Variants in PROX1 observed in about 807,000 individuals in gnomAD.
PROX1 encodes prospero homeobox protein 1.
PROX1 carries 7 observed loss-of-function variants against 58.8 expected under a neutral mutation model. The observed-to-expected ratio is 0.12, with a 90% CI of 0.07 to 0.22. The LOEUF is 0.22. Among genes scored for constraint, PROX1 ranks in the 10% least tolerant of loss-of-function variants. PROX1 has a pLI of 1.00. For synonymous variants in PROX1, 350 were observed against 358.3 expected (o/e 0.98, Z 0.26); for missense variants, 675 against 927.8 (o/e 0.73, Z 3.54).
In PROX1 at chr1:213,997,548, C is replaced by T. The variant is rs770307519; in HGVS notation, c.1013C>T (p.Pro338Leu). The change falls in exon 2 of 5, where the codon CCA becomes CTA. Residue 338 changes from proline (P) to leucine (L), a missense_variant. By Grantham distance (98) the Pro-to-Leu change is moderately conservative. Transcript: ENST00000366958. This position sits in a 1 kb window ranked among gnomAD's most constrained non-coding sequence, Gnocchi z 7.1. ...EGNNKERDHG[P>L]NSLQPEGKHL... Reference sequence around the variant, plus strand: ...AACAACAAAGAAAGAGACCATGGGCCAAACTCCTTACAACCGGAAGGCAAA... The same window carrying T: ...AACAACAAAGAAAGAGACCATGGGCTAAACTCCTTACAACCGGAAGGCAAA... 2.5e-5 allele frequency: 41 copies of T among 1,613,926 alleles called. No individual in the cohort carries two copies. Among genetic ancestry groups the T allele is most frequent in the Non-Finnish European group, 3.2e-5 (38 of 1,179,980 alleles).
At position 213,996,938 on chromosome 1, in the gene PROX1, G is replaced by C; in HGVS notation, c.403G>C (p.Asp135His). Residue 135 changes from aspartate (D) to histidine (H), a missense_variant, in exon 2 of 5, where the codon GAC becomes CAC. This residue lies in a region of PROX1 where 157 missense variants were observed against 197.8 expected (regional missense o/e 0.79). Coordinates refer to ENST00000366958, the MANE Select transcript of PROX1 (RefSeq NM_001270616.2). ...QEDICSNSSR[D>H]SPPECLSPFG... is the part of the protein sequence containing the mutation. ...GGATATATGCAGCAACTCTTCAAGA[G>C]ACAGCCCCCCAGAGTGTCTTTCCCC... The C allele has an allele frequency of 6.2e-7, 1 of 1,614,090 alleles. No homozygotes were observed. The highest frequency in any genetic ancestry group is 8.5e-7 in the Non-Finnish European group (1 of 1,180,018).
chr1:213,998,008 T>C lies in PROX1; in HGVS notation c.1473T>C (p.Tyr491=). The C allele has an allele frequency of 6.2e-7, 1 of 1,613,210 alleles. No individual in the cohort carries two copies. The highest frequency in any genetic ancestry group is 1.7e-5 in the Admixed American group (1 of 59,968). ...CCTTCCCCCTTCCCTTGATGGCCTA[T>C]CCATTTCAGAGCCCATTAGGTGCTC... ...RHPFPLPLMA[Y]PFQSPLGAPS... The change falls in exon 2 of 5, where the codon TAT becomes TAC. Residue 491 remains tyrosine, a synonymous_variant. Coordinates refer to ENST00000366958, the MANE Select transcript of PROX1 (RefSeq NM_001270616.2).
Position 213,997,298 on chromosome 1 carries a change from G to T in PROX1, c.763G>T (p.Glu255Ter). The change falls in exon 2 of 5, where the codon GAA becomes TAA. Residue 255 changes from glutamate to a stop codon, truncating the protein, a stop_gained. Coordinates refer to ENST00000366958, the MANE Select transcript of PROX1 (RefSeq NM_001270616.2). LOFTEE classifies it high-confidence loss of function. This position sits in a 1 kb window ranked among gnomAD's most constrained non-coding sequence, Gnocchi z 7.1. Reference sequence around the variant, plus strand: ...GCAGAAACAGCTGCGCCAGCTGCAGGAAAAGTTCTACCAAATCTATGACAG... The same window carrying T: ...GCAGAAACAGCTGCGCCAGCTGCAGTAAAAGTTCTACCAAATCTATGACAG... Reference protein sequence around the residue: ...DMQKQLRQLQEKFYQIYDSTD... With the variant: ...DMQKQLRQLQ 6.2e-7 allele frequency: 1 copy of T among 1,614,080 alleles called. No individual in the cohort carries two copies. Among genetic ancestry groups the T allele is most frequent in the Non-Finnish European group, 8.5e-7 (1 of 1,180,030 alleles).
intron 4 of PROX1, among the ~76,000 whole-genome samples, chr1:214,023,526 T>C (rs1230714548): frequency 2.0e-5 from 3 of 152,112 alleles, no homozygotes; most frequent in East Asian, 1.9e-4. Flanking sequence ...CCAGCCAGAA[T>C]TGGCAGTTTT....
intron 1 of PROX1, among the ~76,000 whole-genome samples, chr1:213,991,620 A>T (rs187973542): frequency 5.3e-5 from 8 of 152,240 alleles, no homozygotes; most frequent in Non-Finnish European, 4.4e-5. Flanking sequence ...AAAAAAAGTC[A>T]TGCATACATA....
chr1:213,989,159 G>C (rs1357755138), intron 1 of PROX1, among the ~76,000 whole-genome samples: 4 of 151,664 alleles, frequency 2.6e-5, no homozygotes, highest in Non-Finnish European at 2.9e-5. Context: ...AGAGGGAGGT[G>C]GGGGGGCGCT....
At chr1:214,034,485 G>C in intron 4 of PROX1, among the ~76,000 whole-genome samples, 1 of 152,160 alleles carries the variant, frequency 6.6e-6, no homozygotes, top group Non-Finnish European at 1.5e-5. Flanking sequence ...CCCACTAAAA[G>C]AAATCTACTA....
intron 2 of PROX1, among the ~76,000 whole-genome samples, chr1:214,002,120 T>C (rs1169166442): frequency 1.3e-5 from 2 of 152,202 alleles, no homozygotes; most frequent in East Asian, 3.8e-4. Context: ...GCACGTACAA[T>C]CTCTAGCTAC....
At chr1:214,019,015 G>A (rs1299804329) in intron 4 of PROX1, among the ~76,000 whole-genome samples, 3 of 152,120 alleles carry the variant, frequency 2.0e-5, no homozygotes, top group African/African-American at 7.2e-5. Context: ...CTGAGCTATT[G>A]TTCTTTCAGC....
At chr1:214,000,339 G>A (rs1663455199) in intron 2 of PROX1, among the ~76,000 whole-genome samples, 1 of 152,148 alleles carries the variant, frequency 6.6e-6, no homozygotes, top group African/African-American at 2.4e-5. Flanking sequence ...AATCCCCGGA[G>A]GAATTTTGAG....
rs574026104 is a variant in PROX1 at position 214,033,140 on chromosome 1, G to A, written c.2029-2509G>A. Among the ~76,000 whole-genome samples, 11 of 152,186 alleles carry A rather than the reference G, an allele frequency of 7.2e-5. No individual in the cohort carries two copies. The East Asian group carries it at 1.5e-3, about 21-fold the overall frequency. On this transcript the variant is annotated intron_variant, in intron 4 of 4. Coordinates refer to ENST00000366958, the MANE Select transcript of PROX1 (RefSeq NM_001270616.2). ...AGTTCTTGGTGTGGGCAGGGCTTCCGGCCTTCTCTGGCTTCTCTGGGGCAG... is the reference window on the plus strand; with the variant it reads ...AGTTCTTGGTGTGGGCAGGGCTTCCAGCCTTCTCTGGCTTCTCTGGGGCAG...
In PROX1 at chr1:214,040,421, A is replaced by T. The variant is rs1164583467; in HGVS notation, c.*4587A>T. On this transcript the variant is annotated 3_prime_UTR_variant, in exon 5 of 5. Coordinates refer to ENST00000366958, the MANE Select transcript of PROX1 (RefSeq NM_001270616.2). ...AAACAAGCTTACCTTCTTTTGTGAA[A>T]ACGTATTCATTCTGTATTTTTTTAA... 6.6e-6 allele frequency: 1 copy of T among 151,922 alleles called. No homozygotes were observed. Among genetic ancestry groups the T allele is most frequent in the Non-Finnish European group, 1.5e-5 (1 of 68,006 alleles). 9.4% of individuals were successfully genotyped at this position (151,922 alleles called of 1,614,324 possible). A position where few individuals can be genotyped will look rare whatever the true frequency, so the allele number is the denominator to read the frequency against.
chr1:214,016,953 A>G (rs551809570), intron 4 of PROX1, among the ~76,000 whole-genome samples: 26 of 152,310 alleles, frequency 1.7e-4, no homozygotes, highest in Admixed American at 1.4e-3. Context: ...GATCAACTTT[A>G]AAACCTCCTT....
chr1:214,000,744 G>T (rs1663477118), intron 2 of PROX1, among the ~76,000 whole-genome samples: 1 of 152,132 alleles, frequency 6.6e-6, no homozygotes, highest in Non-Finnish European at 1.5e-5. Flanking sequence ...TCTGAAACCA[G>T]TGAGGATCTG....
At chr1:214,018,011 T>C (rs1244041675) in intron 4 of PROX1, among the ~76,000 whole-genome samples, 1 of 152,240 alleles carries the variant, frequency 6.6e-6, no homozygotes, top group Non-Finnish European at 1.5e-5. Flanking sequence ...TTCAGTGGGA[T>C]GTTATCATTG....
intron 1 of PROX1, among the ~76,000 whole-genome samples, chr1:213,991,071 T>G (rs566272993): frequency 4.6e-5 from 7 of 152,258 alleles, no homozygotes; most frequent in South Asian, 2.1e-4. Flanking sequence ...ATGAAATTTT[T>G]TGTGTGTGTT....
chr1:214,011,388 A>G, intron 3 of PROX1, 133 bp from the exon 4 acceptor site: 1 of 749,818 alleles, frequency 1.3e-6, no homozygotes, highest in Admixed American at 3.1e-5. Context: ...TCTTGCCACC[A>G]TTTTGGTGGA....
In PROX1 at chr1:213,997,124, T is replaced by C. The variant is rs1313528664; in HGVS notation, c.589T>C (p.Ser197Pro). Residue 197 changes from serine (S) to proline (P), a missense_variant, in exon 2 of 5, where the codon TCT (serine) becomes CCT (proline). Physicochemically the swap from Ser to Pro is moderately conservative, Grantham distance 74 (BLOSUM62 -1). This residue lies in a region of PROX1 where 403 missense variants were observed against 477.4 expected (regional missense o/e 0.84). Coordinates refer to ENST00000366958, the MANE Select transcript of PROX1 (RefSeq NM_001270616.2). This position sits in a 1 kb window ranked among gnomAD's most constrained non-coding sequence, Gnocchi z 7.1. ...NENEREMAPQ[S>P]VSPRESYREN... The stretch of plus-strand genomic sequence containing the variant: ...AAATGAAAGAGAGATGGCCCCGCAG[T>C]CTGTGAGTCCCCGAGAAAGTTACAG... The C allele has an allele frequency of 1.2e-6, 2 of 1,613,210 alleles. No individual in the cohort carries two copies. The highest frequency in any genetic ancestry group is 2.7e-5 in the African/African-American group (2 of 74,734).
At chr1:214,026,423 G>A (rs951503847) in intron 4 of PROX1, among the ~76,000 whole-genome samples, 2 of 152,130 alleles carry the variant, frequency 1.3e-5, no homozygotes, top group African/African-American at 4.8e-5. Flanking sequence ...TGGGGCTATG[G>A]AAGAGATGGT....
Sources: allele counts gnomAD v4.1 joint callset (sites outside exome capture counted in the v4.1 genomes callset), GRCh38; gene constraint gnomAD v4.1.1; regional missense constraint gnomAD v4.1.1; non-coding constraint Gnocchi (gnomAD v3.1); transcripts MANE v1.5; gene names NCBI Gene and HGNC (gene_info 2026-07-23, HGNC 2026-07-21).